Variants in ABCC10 observed in about 807,000 individuals in gnomAD.
The protein encoded by ABCC10 is ATP binding cassette subfamily C member 10.
In ABCC10, 110 loss-of-function variants were observed where a neutral mutation model predicts 143.2. That is an observed-to-expected ratio of 0.77 (90% confidence interval 0.66 to 0.90). ABCC10 has a LOEUF of 0.90. Among genes scored for constraint, ABCC10 ranks in the 40% least tolerant of loss-of-function variants. The pLI, the probability that ABCC10 is intolerant of heterozygous loss-of-function variation, is 0.00. For synonymous variants in ABCC10, 805 were observed against 846.7 expected (o/e 0.95, Z 0.85); for missense variants, 1,700 against 1,900.5 (o/e 0.89, Z 1.96).
intron 14 of ABCC10, 61 bp downstream of exon 14, chr6:43,445,375 C>T: frequency 6.5e-7 from 1 of 1,538,256 alleles, no homozygotes; most frequent in Admixed American, 1.9e-5. Context: ...GAGTGTCCTC[C>T]CAATACTCGG....
intron 12 of ABCC10, among the ~76,000 whole-genome samples, 179 bp from the exon 13 acceptor site, chr6:43,444,609 G>C (rs928569991): frequency 1.3e-5 from 2 of 152,176 alleles, no homozygotes; most frequent in Non-Finnish European, 2.9e-5. Flanking sequence ...GAAGGGTGAC[G>C]GGCCTATGAG....
At chr6:43,441,690 T>C (rs867269758) in intron 8 of ABCC10, among the ~76,000 whole-genome samples, 172 bp from the exon 9 acceptor site, 14 of 152,200 alleles carry the variant, frequency 9.2e-5, no homozygotes, top group African/African-American at 2.7e-4. Context: ...AATAAGTGCT[T>C]GATGTTATTG....
Position 43,432,723 on chromosome 6 carries a change from G to A in ABCC10, c.743G>A (p.Cys248Tyr), listed in dbSNP as rs774562446. 1.9e-6 allele frequency: 3 copies of A among 1,613,854 alleles called. No homozygotes were observed. Among genetic ancestry groups the A allele is most frequent in the Non-Finnish European group, 8.5e-7 (1 of 1,179,994 alleles). Reference protein sequence around the residue: ...CGELRQPQDICRLPHRLQPTY... With the variant: ...CGELRQPQDIYRLPHRLQPTY... Reference sequence around the variant, plus strand: ...GAGCTCCGGCAGCCTCAGGACATTTGCCGCCTCCCCCACAGACTGCAGCCA... The same window carrying A: ...GAGCTCCGGCAGCCTCAGGACATTTACCGCCTCCCCCACAGACTGCAGCCA... The change falls in exon 3 of 22, where the codon TGC becomes TAC. Residue 248 changes from cysteine to tyrosine, a missense_variant. Cys to Tyr is a radical substitution (Grantham distance 194). Coordinates refer to ENST00000372530, the MANE Select transcript of ABCC10 (RefSeq NM_001198934.2).
intron 5 of ABCC10, 50 bp from the exon 6 acceptor site, chr6:43,436,088 A>G (rs949286957): frequency 1.2e-5 from 19 of 1,613,272 alleles, no homozygotes; most frequent in Admixed American, 1.7e-5. Flanking sequence ...ACCCTCCCCA[A>G]ACAGATTGTG....
chr6:43,432,246 T>G lies in ABCC10; in HGVS notation c.266T>G (p.Leu89Trp). Residue 89 changes from leucine (L) to tryptophan (W), a missense_variant, in exon 3 of 22, where the codon TTG (leucine) becomes TGG (tryptophan). Coordinates refer to ENST00000372530, the MANE Select transcript of ABCC10 (RefSeq NM_001198934.2). ...FPLLDLLPVA[L>W]PPGAGPGPIG... is the part of the protein sequence containing the mutation. The stretch of plus-strand genomic sequence containing the variant: ...CTGCTAGACCTTCTTCCAGTTGCTT[T>G]GCCACCAGGGGCAGGCCCAGGACCC... 1 of 1,614,252 alleles carries G rather than the reference T, an allele frequency of 6.2e-7. No homozygotes were observed. Among genetic ancestry groups the G allele is most frequent in the Non-Finnish European group, 8.5e-7 (1 of 1,180,038 alleles).
chr6:43,447,655 G>A lies in ABCC10; in HGVS notation c.3706-29G>A, dbSNP rs374081028. Reference sequence around the variant, plus strand: ...TCATCTCCCCTATCTCCCTTTCCCCGTCTGTCTCCCACCCATGGACCCCAC... The same window carrying A: ...TCATCTCCCCTATCTCCCTTTCCCCATCTGTCTCCCACCCATGGACCCCAC... On this transcript the variant is annotated intron_variant, in intron 17 of 21. Coordinates refer to ENST00000372530, the MANE Select transcript of ABCC10 (RefSeq NM_001198934.2). The A allele has an allele frequency of 2.5e-5, 41 of 1,611,290 alleles. No individual in the cohort carries two copies. Among genetic ancestry groups the A allele is most frequent in the African/African-American group, 1.6e-4 (12 of 74,654 alleles).
In ABCC10 at chr6:43,445,123, A is replaced by G. The variant is rs375677613; in HGVS notation, c.2841-2A>G. ...ACCGACAGCCCCCTCCTCACCACCC[A>G]GCATCCCAGTGTTCCCACTGCCCAA... is the stretch of plus-strand genomic sequence containing the variant. On this transcript the variant is annotated splice_acceptor_variant, in intron 13 of 21. Coordinates refer to ENST00000372530, the MANE Select transcript of ABCC10 (RefSeq NM_001198934.2). LOFTEE classifies it high-confidence loss of function. 3.1e-6 allele frequency: 5 copies of G among 1,613,690 alleles called. No homozygotes were observed. The highest frequency in any genetic ancestry group is 4.2e-6 in the Non-Finnish European group (5 of 1,179,806).
At chr6:43,451,803 T>C, downstream of ABCC10, 1 of 1,429,730 alleles carries the variant, frequency 7.0e-7, no homozygotes, top group Middle Eastern at 2.6e-4. The surrounding 1 kb of genome is among the most constrained non-coding windows in gnomAD (Gnocchi z 4.4). Context: ...CACTTTGGCA[T>C]GCAGGGGTTT....
In ABCC10 at chr6:43,428,098, G is replaced by T; in HGVS notation, c.120G>T (p.Ala40=). The T allele has an allele frequency of 1.3e-6, 2 of 1,553,866 alleles. No homozygotes were observed. Among genetic ancestry groups the T allele is most frequent in the Non-Finnish European group, 1.7e-6 (2 of 1,150,982 alleles). ...TQLVLSALPH[A]LLAVLSACYL... ...TGGTGCTCAGCGCCCTGCCCCACGC[G>T]CTCCTCGCCGTGCTCAGTGCCTGTT... The change falls in exon 2 of 22, where the codon GCG becomes GCT. Residue 40 remains alanine, a synonymous_variant. Transcript: ENST00000372530.
At position 43,436,957 on chromosome 6, in the gene ABCC10, A is replaced by G. The variant is rs6910665; in HGVS notation, c.1875+710A>G. ...TGTGTTAGTTGGGGCTTTTTTGGGT[A>G]TAAGTTACAGAAACACACTAGAGCT... is the stretch of plus-strand genomic sequence containing the variant. On this transcript the variant is annotated intron_variant, in intron 6 of 21. Coordinates refer to ENST00000372530, the MANE Select transcript of ABCC10 (RefSeq NM_001198934.2). Among the ~76,000 whole-genome samples the G allele has an allele frequency of 8.3e-3, 1,258 of 152,312 alleles. 14 individuals are homozygous for G. Among genetic ancestry groups the G allele is most frequent in the African/African-American group, 0.03 (1,230 of 41,562 alleles).
In ABCC10 at chr6:43,449,029, G is replaced by A. The variant is rs773330528; in HGVS notation, c.4105+3G>A. On this transcript the variant is annotated splice_donor_region_variant and intron_variant, in intron 19 of 21. Coordinates refer to ENST00000372530, the MANE Select transcript of ABCC10 (RefSeq NM_001198934.2). ...GAGTGAGGTGATTACATCCATGGGT[G>A]AGTGCTGGACCCTGACCTTAGAGCA... 1.2e-6 allele frequency: 2 copies of A among 1,613,908 alleles called. No individual in the cohort carries two copies. Among genetic ancestry groups the A allele is most frequent in the Non-Finnish European group, 1.7e-6 (2 of 1,179,820 alleles).
Position 43,447,323 on chromosome 6 carries a change from A to G in ABCC10, c.3620A>G (p.Gln1207Arg). Reference protein sequence around the residue: ...LLSGLVSSFTQTEAMLVSVER... With the variant: ...LLSGLVSSFTRTEAMLVSVER... Reference sequence around the variant, plus strand: ...TCGGGCCTGGTGAGCAGCTTCACACAGACAGAGGCCATGCTGGTGAGCGTC... The same window carrying G: ...TCGGGCCTGGTGAGCAGCTTCACACGGACAGAGGCCATGCTGGTGAGCGTC... Residue 1207 changes from glutamine (Q) to arginine (R), a missense_variant, in exon 17 of 22, where the codon CAG becomes CGG. Coordinates refer to ENST00000372530, the MANE Select transcript of ABCC10 (RefSeq NM_001198934.2). 1 of 1,613,576 alleles carries G rather than the reference A, an allele frequency of 6.2e-7. No homozygotes were observed. The highest frequency in any genetic ancestry group is 8.5e-7 in the Non-Finnish European group (1 of 1,179,960).
chr6:43,442,818 G>A (rs555792678), intron 9 of ABCC10, 152 bp from the exon 10 acceptor site: 2 of 660,146 alleles, frequency 3.0e-6, no homozygotes, highest in Admixed American at 3.5e-5. Context: ...TTTCTTGCCT[G>A]AAGGGATGTC....
At position 43,448,246 on chromosome 6, in the gene ABCC10, C is replaced by T. The variant is rs138899833; in HGVS notation, c.3959+309C>T. 9.9e-4 allele frequency: 477 copies of T among 481,238 alleles called. 1 individual carries two copies. Among genetic ancestry groups the T allele is most frequent in the African/African-American group, 8.3e-3 (424 of 51,342 alleles). 29.8% of individuals were successfully genotyped at this position (481,238 alleles called of 1,614,324 possible). ...ATACTGATCCCCTGAGTCCTAGGCT[C>T]AGCAGGCAGTGCTTCAGACAGCTTG... On this transcript the variant is annotated intron_variant, in intron 18 of 21. Coordinates refer to ENST00000372530, the MANE Select transcript of ABCC10 (RefSeq NM_001198934.2).
intron 8 of ABCC10, among the ~76,000 whole-genome samples, chr6:43,439,873 C>T (rs147519424): frequency 0.029 from 4,358 of 148,180 alleles, 178 homozygotes; most frequent in East Asian, 0.2. Context: ...TGAGCCACCG[C>T]GCCTGGCCTA....
At chr6:43,429,467 C>T (rs1029225196) in intron 2 of ABCC10, among the ~76,000 whole-genome samples, 4 of 149,324 alleles carry the variant, frequency 2.7e-5, no homozygotes, top group Non-Finnish European at 5.9e-5. Flanking sequence ...GCGTCTCCCT[C>T]TGTTGCCCAG....
At chr6:43,434,171 G>A (rs1781437904) in intron 3 of ABCC10, among the ~76,000 whole-genome samples, 1 of 152,252 alleles carries the variant, frequency 6.6e-6, no homozygotes. Context: ...TTATGCCTGT[G>A]TACTTCTACA....
intron 8 of ABCC10, among the ~76,000 whole-genome samples, chr6:43,439,950 T>C (rs530366730): frequency 1.3e-5 from 2 of 151,670 alleles, no homozygotes; most frequent in African/African-American, 4.8e-5. Flanking sequence ...AAAGCTTTTA[T>C]AGGTTTTTAC....
chr6:43,439,734 C>G (rs1782138530), intron 8 of ABCC10, among the ~76,000 whole-genome samples: 1 of 152,096 alleles, frequency 6.6e-6, no homozygotes, highest in Non-Finnish European at 1.5e-5. Context: ...CAGCTGCGTG[C>G]CACCATGCCC....
Sources: allele counts gnomAD v4.1 joint callset (sites outside exome capture counted in the v4.1 genomes callset), GRCh38; gene constraint gnomAD v4.1.1; non-coding constraint Gnocchi (gnomAD v3.1); transcripts MANE v1.5; gene names NCBI Gene and HGNC (gene_info 2026-07-23, HGNC 2026-07-21).